The following ECEL1 variants were observed in gnomAD, a reference collection of about 807,000 sequenced individuals.
ECEL1 encodes endothelin converting enzyme like 1.
In ECEL1, 87 loss-of-function variants were observed where a neutral mutation model predicts 101.8. That is an observed-to-expected ratio of 0.85 (90% CI 0.72 to 1.02). The LOEUF (loss-of-function observed/expected upper bound fraction) is 1.02. Among genes scored for constraint, ECEL1 ranks in the 50% least tolerant of loss-of-function variants. ECEL1 has a pLI of 0.00. For missense variants in ECEL1, 1,032 were observed against 1,079.2 expected (o/e 0.96, Z 0.61); for synonymous variants, 487 against 468.7 (o/e 1.04, Z -0.50).
At chr2:232,481,067 G>C (rs1260836238) in intron 15 of ECEL1, 24 bp downstream of exon 15, 1 of 1,552,470 alleles carries the variant, frequency 6.4e-7, no homozygotes, top group African/African-American at 1.4e-5. Flanking sequence ...TGCAGCAGGG[G>C]TGGAGCACAG....
chr2:232,485,171 C>A, intron 3 of ECEL1, 28 bp downstream of exon 3: 1 of 1,613,116 alleles, frequency 6.2e-7, no homozygotes, highest in South Asian at 1.1e-5. Flanking sequence ...CCAGGCCTTC[C>A]CTGCCTCCCC....
At chr2:232,487,253 T>C (rs1293378583) in intron 1 of ECEL1, among the ~76,000 whole-genome samples, 1 of 151,976 alleles carries the variant, frequency 6.6e-6, no homozygotes, top group African/African-American at 2.4e-5. Context: ...GTCCGCGGGA[T>C]CGACCACGCC....
In ECEL1 at chr2:232,485,277, G is replaced by C; in HGVS notation, c.787-10C>G. The C allele has an allele frequency of 1.2e-6, 2 of 1,612,988 alleles. No individual in the cohort carries two copies. The highest frequency in any genetic ancestry group is 1.7e-6 in the Non-Finnish European group (2 of 1,179,918). ...GCCCATCCTGGTCAATCTGGGGAGGGAGACAGGGGCCACAGGTCAGAGGCC... is the reference window on the plus strand; with the variant it reads ...GCCCATCCTGGTCAATCTGGGGAGGCAGACAGGGGCCACAGGTCAGAGGCC... On this transcript the variant is annotated splice_polypyrimidine_tract_variant and intron_variant, in intron 2 of 17. Coordinates refer to ENST00000304546, the MANE Select transcript of ECEL1 (RefSeq NM_004826.4).
chr2:232,485,682 C>T (rs1325329980), intron 2 of ECEL1, among the ~76,000 whole-genome samples, 186 bp downstream of exon 2: 1 of 152,202 alleles, frequency 6.6e-6, no homozygotes. Flanking sequence ...GCAATTACCC[C>T]AGGGAAATTA....
chr2:232,482,321 G>A (rs1246843877), intron 12 of ECEL1, 97 bp downstream of exon 12: 1 of 1,549,228 alleles, frequency 6.5e-7, no homozygotes, highest in Non-Finnish European at 8.9e-7. Flanking sequence ...TGGGTCTGGG[G>A]CGATTGGAGC....
At chr2:232,484,262 A>G in intron 6 of ECEL1, 39 bp from the exon 7 acceptor site, 2 of 1,593,622 alleles carry the variant, frequency 1.3e-6, no homozygotes, top group South Asian at 1.1e-5. Flanking sequence ...CCAGACGGAC[A>G]TGCATGTGGG....
intron 13 of ECEL1, 39 bp from the exon 14 acceptor site, chr2:232,481,669 G>C (rs762755047): frequency 6.2e-7 from 1 of 1,601,998 alleles, no homozygotes; most frequent in Non-Finnish European, 8.5e-7. Context: ...ACCCTCACCT[G>C]AGCCCCCTCC....
At position 232,480,036 on chromosome 2, in the gene ECEL1, G is replaced by T; in HGVS notation, c.*117C>A. 1 of 974,832 alleles carries T rather than the reference G, an allele frequency of 1.0e-6. No individual in the cohort carries two copies. The highest frequency in any genetic ancestry group is 1.6e-6 in the Non-Finnish European group (1 of 640,274). The allele number at this position is 974,832 out of a possible 1,614,324, so 60.4% of individuals were successfully genotyped here. A position where few individuals can be genotyped will look rare whatever the true frequency, so the allele number is the denominator to read the frequency against. ...CAGCAGGGGGACCGGGTCCTGGAGG[G>T]GCTGGAAGGCAGGTGGTGCCCAGAG... On this transcript the variant is annotated 3_prime_UTR_variant, in exon 18 of 18. Coordinates refer to ENST00000304546, the MANE Select transcript of ECEL1 (RefSeq NM_004826.4).
rs569591250 is a variant in ECEL1 at position 232,480,063 on chromosome 2, G to A, written c.*90C>T. On this transcript the variant is annotated 3_prime_UTR_variant, in exon 18 of 18. Transcript: ENST00000304546. Reference sequence around the variant, plus strand: ...CTGGAAGGCAGGTGGTGCCCAGAGCGGGGCTGGCACCGGGTGCATGCCTGC... The same window carrying A: ...CTGGAAGGCAGGTGGTGCCCAGAGCAGGGCTGGCACCGGGTGCATGCCTGC... 5.3e-6 allele frequency: 7 copies of A among 1,310,200 alleles called. No homozygotes were observed. The highest frequency in any genetic ancestry group is 4.8e-4 in the Middle Eastern group (2 of 4,202). 81.2% of individuals were successfully genotyped at this position (1,310,200 alleles called of 1,614,324 possible). A position where few individuals can be genotyped will look rare whatever the true frequency, so the allele number is the denominator to read the frequency against.
Position 232,484,053 on chromosome 2 carries a change from G to A in ECEL1, c.1355C>T (p.Ala452Val), listed in dbSNP as rs1188542957. Residue 452 changes from alanine to valine, a missense_variant, in exon 7 of 18, where the codon GCG becomes GTG. Ala to Val is a moderately conservative substitution (Grantham distance 64). Transcript: ENST00000304546. The part of the protein sequence containing the change: ...LGQANRHFGM[A>V]LGALFVHEHF... ...CTCATGTACAAAGAGGGCGCCAAGC[G>A]CCATGCCAAAGTGGCGATTGGCCTG... The A allele has an allele frequency of 8.7e-6, 14 of 1,612,578 alleles. No homozygotes were observed. The highest frequency in any genetic ancestry group is 1.0e-5 in the Non-Finnish European group (12 of 1,179,052).
intron 7 of ECEL1, 61 bp from the exon 8 acceptor site, chr2:232,483,575 CAGG>C: frequency 3.5e-6 from 5 of 1,433,476 alleles, no homozygotes; most frequent in Non-Finnish European, 4.7e-6. Context: ...TCACTCCTGG[CAGG>C]AGGGGTACCC....
At chr2:232,484,704 G>A (rs1690674710) in intron 5 of ECEL1, 97 bp downstream of exon 5, 1 of 1,602,966 alleles carries the variant, frequency 6.2e-7, no homozygotes, top group Non-Finnish European at 8.5e-7. Flanking sequence ...CATGGCCAAG[G>A]AACGGTTTGC....
intron 2 of ECEL1, 126 bp downstream of exon 2, chr2:232,485,742 C>G (rs956287230): frequency 3.1e-6 from 4 of 1,271,066 alleles, no homozygotes; most frequent in Non-Finnish European, 4.3e-6. Flanking sequence ...CTCCCCTCCC[C>G]TCTCCTGCTC....
At position 232,486,311 on chromosome 2, in the gene ECEL1, T is replaced by G; in HGVS notation, c.343A>C (p.Asn115His). 1.3e-6 allele frequency: 2 copies of G among 1,585,662 alleles called. No homozygotes were observed. Among genetic ancestry groups the G allele is most frequent in the Non-Finnish European group, 1.7e-6 (2 of 1,173,256 alleles). The change falls in exon 2 of 18, where the codon AAC becomes CAC. Residue 115 changes from asparagine to histidine, a missense_variant. Physicochemically the swap from Asn to His is moderately conservative, Grantham distance 68 (BLOSUM62 1). Transcript: ENST00000304546. ...CATGGGTCGATGCTGGCGTCCAGGT[T>G]GGCGGCCAGGAAGCGAGCGGCGCGC... ...FARAARFLAA[N>H]LDASIDPCQD...
Position 232,479,927 on chromosome 2 carries a change from G to A in ECEL1, c.*226C>T. 2 of 585,560 alleles carry A rather than the reference G, an allele frequency of 3.4e-6. No homozygotes were observed. The highest frequency in any genetic ancestry group is 6.1e-6 in the Non-Finnish European group (2 of 327,666). 36.3% of individuals were successfully genotyped at this position (585,560 alleles called of 1,614,324 possible). On this transcript the variant is annotated 3_prime_UTR_variant, in exon 18 of 18. Transcript: ENST00000304546. ...CAGAGGGTCTGGCCCCCTTAGAGCA[G>A]AATCTGGGGACCCCAGTATATTTCC...
In ECEL1 at chr2:232,482,957, G is replaced by A; in HGVS notation, c.1582-3C>T. The A allele has an allele frequency of 1.2e-6, 2 of 1,614,080 alleles. No homozygotes were observed. Among genetic ancestry groups the A allele is most frequent in the Non-Finnish European group, 8.5e-7 (1 of 1,180,000 alleles). ...TAGGTCTTCTCATGGACCTCAAACT[G>A]CAGGAGGCACGGGCGACACTCAGCG... On this transcript the variant is annotated splice_region_variant and splice_polypyrimidine_tract_variant and intron_variant, in intron 9 of 17. Transcript: ENST00000304546.
At position 232,485,280 on chromosome 2, in the gene ECEL1, A is replaced by C; in HGVS notation, c.787-13T>G. On this transcript the variant is annotated splice_polypyrimidine_tract_variant and intron_variant, in intron 2 of 17. Coordinates refer to ENST00000304546, the MANE Select transcript of ECEL1 (RefSeq NM_004826.4). ...CATCCTGGTCAATCTGGGGAGGGAG[A>C]CAGGGGCCACAGGTCAGAGGCCCAC... is the stretch of plus-strand genomic sequence containing the variant. The C allele has an allele frequency of 6.2e-7, 1 of 1,612,676 alleles. No homozygotes were observed.
rs1057518181 is a variant in ECEL1, at chr2:232,486,650, C to G, written c.4G>C (p.Glu2Gln). Residue 2 changes from glutamate (E) to glutamine (Q), a missense_variant, in exon 2 of 18, where the codon GAG (glutamate) becomes CAG (glutamine). Coordinates refer to ENST00000304546, the MANE Select transcript of ECEL1 (RefSeq NM_004826.4). ...TGCGCCGTCAGCGAATACGGGGGCT[C>G]CATGGCGCCGAGGCCGCCGCGGTGC... is the stretch of plus-strand genomic sequence containing the variant. M[E>Q]PPYSLTAHYD... is the part of the protein sequence containing the mutation. 1.3e-6 allele frequency: 2 copies of G among 1,527,796 alleles called. No individual in the cohort carries two copies. Among genetic ancestry groups the G allele is most frequent in the Non-Finnish European group, 1.7e-6 (2 of 1,148,164 alleles). The allele number at this position is 1,527,796 out of a possible 1,614,324, so 94.6% of individuals were successfully genotyped here.
rs764047753 is a variant in ECEL1, at chr2:232,485,966, G to T, written c.688C>A (p.Arg230=). ...PGVAARWDLN[R]LLYKAQGVYS... ...ACGCCCTGCGCCTTGTACAGCAGCC[G>T]GTTGAGGTCCCATCGCGCCGCGACC... Residue 230 remains arginine, a synonymous_variant, in exon 2 of 18, where the codon CGG becomes AGG. Transcript: ENST00000304546. 6.3e-7 allele frequency: 1 copy of T among 1,597,546 alleles called. No homozygotes were observed.
Sources: gnomAD v4.1 joint callset for allele counts (sites outside exome capture counted in the v4.1 genomes callset) on GRCh38, gnomAD v4.1.1 for gene constraint, MANE v1.5 for transcripts, NCBI Gene and HGNC (gene_info 2026-07-23, HGNC 2026-07-21) for gene names.